The following CNST variants were observed in gnomAD, a reference collection of about 807,000 sequenced individuals.
CNST encodes the protein consortin.
In CNST, 39 loss-of-function variants were observed where a neutral mutation model predicts 72.4. That is an observed-to-expected ratio of 0.54 (90% CI 0.42 to 0.70). CNST has a LOEUF of 0.70. Among genes scored for constraint, CNST ranks in the 30% least tolerant of loss-of-function variants. The pLI is 0.00. For synonymous variants in CNST, 332 were observed against 320.1 expected, an observed-to-expected ratio of 1.04 and a Z score of -0.40; for missense variants, 871 against 868.5, an observed-to-expected ratio of 1.00 and a Z score of -0.04.
At chr1:246,634,672 T>A (rs6680646) in intron 6 of CNST, 85 bp downstream of exon 6, 237,632 of 754,332 alleles carry the variant, frequency 0.32, 42,106 homozygotes, top group East Asian at 0.67. Flanking sequence ...TTCTTTGTTT[T>A]ATGTTTTCAA....
At chr1:246,660,151 A>C (rs1366987234) in intron 9 of CNST, 48 bp from the exon 10 acceptor site, 2 of 1,528,204 alleles carry the variant, frequency 1.3e-6, no homozygotes, top group Admixed American at 4.1e-5. Flanking sequence ...ACATGTAGAG[A>C]TGTCCCGCCT....
intron 9 of CNST, among the ~76,000 whole-genome samples, chr1:246,650,818 C>T (rs1033620806): frequency 6.6e-6 from 1 of 151,880 alleles, no homozygotes; most frequent in Non-Finnish European, 1.5e-5. Context: ...GCTGGGACTA[C>T]AGGCATGCAC....
intron 3 of CNST, among the ~76,000 whole-genome samples, chr1:246,631,173 A>C (rs557894854): frequency 2.6e-5 from 4 of 152,246 alleles, no homozygotes; most frequent in African/African-American, 9.6e-5. Flanking sequence ...AGAATCAAAG[A>C]ATCTTTAAAT....
intron 10 of CNST, among the ~76,000 whole-genome samples, chr1:246,665,128 G>A (rs1034323139): frequency 7.2e-5 from 11 of 152,122 alleles, no homozygotes; most frequent in African/African-American, 2.7e-4. Flanking sequence ...CCAGTACTTT[G>A]AGAGGCCATG....
At chr1:246,614,929 A>G (rs961488672) in intron 2 of CNST, among the ~76,000 whole-genome samples, 12 of 152,202 alleles carry the variant, frequency 7.9e-5, no homozygotes, top group African/African-American at 2.7e-4. Flanking sequence ...CTGCCGATCA[A>G]TGCTAGACTA....
intron 1 of CNST, among the ~76,000 whole-genome samples, chr1:246,586,302 A>G (rs1661194083): frequency 6.8e-6 from 1 of 147,912 alleles, no homozygotes; most frequent in African/African-American, 2.5e-5. Flanking sequence ...TAAGATACAT[A>G]TACAAGCTCT....
chr1:246,576,234 C>A (rs12754530), intron 1 of CNST, among the ~76,000 whole-genome samples: 27 of 13,720 alleles, frequency 2.0e-3, no homozygotes, highest in African/African-American at 5.9e-3. Context: ...GACTCCGTCT[C>A]AAAAAAAAAA....
At chr1:246,570,738 C>G (rs1257569033) in intron 1 of CNST, among the ~76,000 whole-genome samples, 1 of 151,980 alleles carries the variant, frequency 6.6e-6, no homozygotes, top group Non-Finnish European at 1.5e-5. Context: ...TTATTGGCAC[C>G]CTTTTAGTTG....
chr1:246,626,685 G>C (rs1193853949), intron 3 of CNST, among the ~76,000 whole-genome samples: 4 of 151,854 alleles, frequency 2.6e-5, no homozygotes, highest in African/African-American at 9.7e-5. Flanking sequence ...TCAAACTCCT[G>C]ACCTCAGGTG....
chr1:246,596,025 T>G (rs1661854542), intron 2 of CNST, among the ~76,000 whole-genome samples: 1 of 152,192 alleles, frequency 6.6e-6, no homozygotes, highest in Admixed American at 6.6e-5. Context: ...GGAAGTCCAG[T>G]TGTCATCATA....
rs567900840 is a variant in CNST, at chr1:246,576,655, G to C, written c.-52+9992G>C. On this transcript the variant is annotated intron_variant, in intron 1 of 10. Transcript: ENST00000366513. ...GGACCGCAGGCATGTTACCACGCGCGGCACATTTTTGTATTTTTAATAGAG... is the reference window on the plus strand; with the variant it reads ...GGACCGCAGGCATGTTACCACGCGCCGCACATTTTTGTATTTTTAATAGAG... Among the ~76,000 whole-genome samples the C allele has an allele frequency of 4.8e-4, 73 of 151,496 alleles. 1 individual carries two copies. Among genetic ancestry groups the C allele is most frequent in the African/African-American group, 1.7e-3 (70 of 41,136 alleles).
rs749083576 is a variant in CNST at position 246,631,858 on chromosome 1, A to G, written c.586-36A>G. On this transcript the variant is annotated intron_variant, in intron 3 of 10. Coordinates refer to ENST00000366513, the MANE Select transcript of CNST (RefSeq NM_152609.3). The stretch of plus-strand genomic sequence containing the variant: ...AATTTATCTTCTCATCCAAGTGTTA[A>G]TTTAATTTTCTCTGTGTTTTCTTTG... The G allele has an allele frequency of 3.0e-6, 4 of 1,314,044 alleles. No individual in the cohort carries two copies. The Admixed American group carries it at 7.3e-5, about 24-fold the overall frequency. 81.4% of individuals were successfully genotyped at this position (1,314,044 alleles called of 1,614,324 possible).
At chr1:246,634,109 T>C (rs1664972905) in intron 5 of CNST, 99 bp downstream of exon 5, 2 of 793,250 alleles carry the variant, frequency 2.5e-6, no homozygotes, top group Admixed American at 2.2e-5. Context: ...AATCAGAAAA[T>C]AGATGTTTCC....
At position 246,666,007 on chromosome 1, in the gene CNST, G is replaced by A; in HGVS notation, c.*102G>A. On this transcript the variant is annotated 3_prime_UTR_variant, in exon 11 of 11. Coordinates refer to ENST00000366513, the MANE Select transcript of CNST (RefSeq NM_152609.3). ...TTCTGTAGCATTCCCCCTTCCCTCT[G>A]TTAGGAACCAAGGACATCAGAAATA... The A allele has an allele frequency of 1.2e-6, 1 of 811,846 alleles. No individual in the cohort carries two copies. The highest frequency in any genetic ancestry group is 2.5e-5 in the Admixed American group (1 of 39,534). 50.3% of individuals were successfully genotyped at this position (811,846 alleles called of 1,614,324 possible). A position where few individuals can be genotyped will look rare whatever the true frequency, so the allele number is the denominator to read the frequency against.
intron 2 of CNST, among the ~76,000 whole-genome samples, chr1:246,592,381 T>A (rs894096695): frequency 1.3e-5 from 2 of 152,088 alleles, no homozygotes; most frequent in African/African-American, 4.8e-5. Context: ...CCAGCTACTC[T>A]GGAGGCTGAG....
chr1:246,635,160 T>C (rs1465919914), intron 6 of CNST, among the ~76,000 whole-genome samples: 5 of 151,980 alleles, frequency 3.3e-5, no homozygotes, highest in African/African-American at 1.2e-4. Flanking sequence ...GGGGCAACTT[T>C]CTCCATAACT....
rs138075968 is a variant in CNST, at chr1:246,666,267, C to T, written c.*362C>T. 3.5e-5 allele frequency: 6 copies of T among 173,758 alleles called. No homozygotes were observed. The highest frequency in any genetic ancestry group is 7.3e-5 in the Non-Finnish European group (6 of 82,138). 10.8% of individuals were successfully genotyped at this position (173,758 alleles called of 1,614,324 possible). A position where few individuals can be genotyped will look rare whatever the true frequency, so the allele number is the denominator to read the frequency against. The stretch of plus-strand genomic sequence containing the variant: ...ATGGTTAAAGAACACTTTTGGTTTA[C>T]ACTTGTTGGGTCATAGAAGTTGCTT... On this transcript the variant is annotated 3_prime_UTR_variant, in exon 11 of 11. Transcript: ENST00000366513.
Position 246,591,575 on chromosome 1 carries a change from G to T in CNST, c.13G>T (p.Asp5Tyr), listed in dbSNP as rs762580787. The T allele has an allele frequency of 5.5e-5, 89 of 1,613,794 alleles. No individual in the cohort carries two copies. Among genetic ancestry groups the T allele is most frequent in the Non-Finnish European group, 7.5e-5 (88 of 1,179,802 alleles). The change falls in exon 2 of 11, where the codon GAT (aspartate) becomes TAT (tyrosine). Residue 5 changes from aspartate (D) to tyrosine (Y), a missense_variant. Physicochemically the swap from Asp to Tyr is radical, Grantham distance 160. Coordinates refer to ENST00000366513, the MANE Select transcript of CNST (RefSeq NM_152609.3). MDDS[D>Y]TPTYYLQIEP... Reference sequence around the variant, plus strand: ...AAAGGATGCTCTAATGGATGACAGCGATACTCCTACATATTATCTGCAAAT... The same window carrying T: ...AAAGGATGCTCTAATGGATGACAGCTATACTCCTACATATTATCTGCAAAT...
At chr1:246,642,380 T>C (rs1304147451) in intron 8 of CNST, among the ~76,000 whole-genome samples, 1 of 152,170 alleles carries the variant, frequency 6.6e-6, no homozygotes, top group African/African-American at 2.4e-5. Flanking sequence ...GGTACATTCA[T>C]ACATTGTTTT....
Sources: gnomAD v4.1 joint callset for allele counts (sites outside exome capture counted in the v4.1 genomes callset) on GRCh38, gnomAD v4.1.1 for gene constraint, MANE v1.5 for transcripts, NCBI Gene and HGNC (gene_info 2026-07-23, HGNC 2026-07-21) for gene names.